The following CHIC2 variants were observed in gnomAD, a reference collection of about 807,000 sequenced individuals.
The protein encoded by CHIC2 is cysteine rich hydrophobic domain 2.
CHIC2 carries 14 observed loss-of-function variants against 25.9 expected under a neutral mutation model. The observed-to-expected ratio is 0.54, with a 90% CI of 0.36 to 0.85. CHIC2 has a LOEUF of 0.85. Ranked by LOEUF, CHIC2 falls within the 40% of genes least tolerant of loss-of-function variation. The pLI is 0.01. For synonymous variants in CHIC2, 70 were observed against 72.0 expected, an observed-to-expected ratio of 0.97 and a Z score of 0.14; for missense variants, 146 against 202.0, an observed-to-expected ratio of 0.72 and a Z score of 1.68.
chr4:54,058,280 C>T (rs1717232549), intron 1 of CHIC2, among the ~76,000 whole-genome samples: 1 of 152,072 alleles, frequency 6.6e-6, no homozygotes, highest in Admixed American at 6.6e-5. Flanking sequence ...GACTCTCACA[C>T]GTAACCTCTA....
chr4:54,080,354 G>T, the CHIC2 span, among the ~76,000 whole-genome samples: 2 of 151,926 alleles, frequency 1.3e-5, no homozygotes, highest in Non-Finnish European at 2.9e-5. Flanking sequence ...ACTCACAGAG[G>T]CAGAAAGTAG....
chr4:54,064,357 G>A lies in CHIC2; in HGVS notation c.-57C>T. ...CCTGACTCCCGGGGTTGGCGCCGGG[G>A]TACCGGCGGGCGAGGCGGCGGAGGC... On this transcript the variant is annotated 5_prime_UTR_variant, in exon 1 of 6. Coordinates refer to ENST00000263921, the MANE Select transcript of CHIC2 (RefSeq NM_012110.4). The surrounding 1 kb of genome is among the most constrained non-coding windows in gnomAD (Gnocchi z 4.2). 5.0e-6 allele frequency: 8 copies of A among 1,602,900 alleles called. No homozygotes were observed. The highest frequency in any genetic ancestry group is 6.8e-6 in the Non-Finnish European group (8 of 1,174,906).
At chr4:54,025,972 T>C (rs1271234946) in intron 3 of CHIC2, among the ~76,000 whole-genome samples, 1 of 152,144 alleles carries the variant, frequency 6.6e-6, no homozygotes, top group African/African-American at 2.4e-5. Flanking sequence ...GGAACCAGCA[T>C]TTGTGGATCC....
chr4:54,016,918 AAG>A (rs1332487872), intron 3 of CHIC2, among the ~76,000 whole-genome samples: 1 of 152,094 alleles, frequency 6.6e-6, no homozygotes, highest in Non-Finnish European at 1.5e-5. Context: ...AGAAAAAAAA[AAG>A]GTTGAGCTAC....
At chr4:54,020,804 G>A (rs1312624604) in intron 3 of CHIC2, among the ~76,000 whole-genome samples, 1 of 152,144 alleles carries the variant, frequency 6.6e-6, no homozygotes, top group Non-Finnish European at 1.5e-5. Flanking sequence ...CACAGACTCG[G>A]GAAGACAGCC....
Position 54,049,291 on chromosome 4 carries a change from T to C in CHIC2, c.134A>G (p.Asn45Ser). 4 of 1,589,770 alleles carry C rather than the reference T, an allele frequency of 2.5e-6. No homozygotes were observed. The highest frequency in any genetic ancestry group is 3.4e-6 in the Non-Finnish European group (4 of 1,160,454). Residue 45 changes from asparagine to serine, a missense_variant, in exon 2 of 6, where the codon AAC becomes AGC. Physicochemically the swap from Asn to Ser is conservative, Grantham distance 46. Coordinates refer to ENST00000263921, the MANE Select transcript of CHIC2 (RefSeq NM_012110.4). ...SGHVTVFGLS[N>S]KFESEFPSSL... ...AGAAGGGAATTCAGATTCAAATTTG[T>C]TGCTCAGTCCAAATCTATTTTAAAA...
At chr4:54,033,691 C>T (rs748885002) in intron 3 of CHIC2, among the ~76,000 whole-genome samples, 2 of 152,084 alleles carry the variant, frequency 1.3e-5, no homozygotes, top group Non-Finnish European at 2.9e-5. Context: ...TATTAATATA[C>T]GGTTTAATGT....
chr4:54,031,038 C>T (rs575536026), intron 3 of CHIC2, among the ~76,000 whole-genome samples: 1 of 152,084 alleles, frequency 6.6e-6, no homozygotes, highest in Admixed American at 6.5e-5. Context: ...TGCCACCACT[C>T]CTGGATTCTT....
chr4:54,064,583 C>T lies in CHIC2; in HGVS notation c.-283G>A, dbSNP rs545708326. ...AGCACAGACGCCGCTGCCGCCGCCG[C>T]AGCAGCAGCAACTCAGGAAACCACA... is the stretch of plus-strand genomic sequence containing the variant. On this transcript the variant is annotated 5_prime_UTR_variant, in exon 1 of 6. Transcript: ENST00000263921. This position sits in a 1 kb window ranked among gnomAD's most constrained non-coding sequence, Gnocchi z 4.2. The T allele has an allele frequency of 8.0e-7, 1 of 1,248,920 alleles. No individual in the cohort carries two copies. Among genetic ancestry groups the T allele is most frequent in the African/African-American group, 1.6e-5 (1 of 62,882 alleles). The allele number at this position is 1,248,920 out of a possible 1,614,324, so 77.4% of individuals were successfully genotyped here.
At chr4:54,071,258 A>C in the CHIC2 span, among the ~76,000 whole-genome samples, 3 of 152,176 alleles carry the variant, frequency 2.0e-5, no homozygotes, top group African/African-American at 7.2e-5. Flanking sequence ...TTTTCCTTTG[A>C]GTGTCATGTC....
upstream of CHIC2, chr4:54,065,421 C>G (rs1717491859): frequency 1.6e-6 from 1 of 623,526 alleles, no homozygotes; most frequent in African/African-American, 2.0e-5. Flanking sequence ...CTTACCAGTT[C>G]CTACCACAAA....
chr4:54,063,601 ATTTCTTTCTG>A (rs1394766487), intron 1 of CHIC2, among the ~76,000 whole-genome samples: 5 of 152,142 alleles, frequency 3.3e-5, no homozygotes, highest in Non-Finnish European at 5.9e-5. Context: ...TTGTAAACAT[ATTTCTTTCTG>A]TATATCTTAA....
At chr4:54,054,749 G>C (rs1327880174) in intron 1 of CHIC2, among the ~76,000 whole-genome samples, 1 of 152,180 alleles carries the variant, frequency 6.6e-6, no homozygotes, top group Non-Finnish European at 1.5e-5. Context: ...GCCTAACTTA[G>C]ATAACATTAA....
chr4:54,048,944 A>C lies in CHIC2; in HGVS notation c.330+11T>G, dbSNP rs2110085170. On this transcript the variant is annotated intron_variant, in intron 3 of 5. Coordinates refer to ENST00000263921, the MANE Select transcript of CHIC2 (RefSeq NM_012110.4). The stretch of plus-strand genomic sequence containing the variant: ...TTCTAAATTTAAATTAAAATATATA[A>C]TTCAACTTACTCTTTTACTGAGGCA... 6.6e-7 allele frequency: 1 copy of C among 1,512,492 alleles called. No homozygotes were observed. Among genetic ancestry groups the C allele is most frequent in the East Asian group, 2.5e-5 (1 of 40,568 alleles). 93.7% of individuals were successfully genotyped at this position (1,512,492 alleles called of 1,614,324 possible). A position where few individuals can be genotyped will look rare whatever the true frequency, so the allele number is the denominator to read the frequency against.
the CHIC2 span, chr4:54,086,780 T>C: frequency 1.7e-5 from 5 of 287,752 alleles, no homozygotes; most frequent in Non-Finnish European, 2.6e-5. Context: ...ATCCTGATTG[T>C]AGAAACCTCT....
chr4:54,047,434 T>C (rs992000441), intron 3 of CHIC2, among the ~76,000 whole-genome samples: 1 of 151,752 alleles, frequency 6.6e-6, no homozygotes, highest in African/African-American at 2.4e-5. Context: ...ATTAAGAAAA[T>C]GTGGCACATA....
intron 3 of CHIC2, among the ~76,000 whole-genome samples, chr4:54,040,089 A>G (rs1577975693): frequency 6.6e-6 from 1 of 152,222 alleles, no homozygotes; most frequent in Admixed American, 6.5e-5. Flanking sequence ...CTACAGCACA[A>G]GTAAGTTTTT....
intron 3 of CHIC2, among the ~76,000 whole-genome samples, chr4:54,025,510 C>A (rs1267373476): frequency 6.6e-6 from 1 of 152,160 alleles, no homozygotes; most frequent in Non-Finnish European, 1.5e-5. Context: ...TCACACAAAG[C>A]CTGTTTGGTG....
chr4:54,077,969 C>T, the CHIC2 span, among the ~76,000 whole-genome samples: 1 of 152,182 alleles, frequency 6.6e-6, no homozygotes, highest in African/African-American at 2.4e-5. Flanking sequence ...TCTATTCTGC[C>T]CTGCCTGATT....
Sources: allele counts gnomAD v4.1 joint callset (sites outside exome capture counted in the v4.1 genomes callset), GRCh38; gene constraint gnomAD v4.1.1; non-coding constraint Gnocchi (gnomAD v3.1); transcripts MANE v1.5; gene names NCBI Gene and HGNC (gene_info 2026-07-23, HGNC 2026-07-21).